HUWE1: variants seen among roughly 807,000 people sequenced by gnomAD.
HUWE1 encodes HECT, UBA and WWE domain containing E3 ubiquitin protein ligase 1, also known as E3 ubiquitin-protein ligase HUWE1.
HUWE1 carries 18 observed loss-of-function variants against 299.4 expected under a neutral mutation model. The ratio of observed to expected loss-of-function variants is 0.06; its 90% CI spans 0.04 to 0.09. HUWE1 has a LOEUF of 0.09. Ranked by LOEUF, HUWE1 falls within the 10% of genes least tolerant of loss-of-function variation. The probability of loss-of-function intolerance (pLI) is 1.00; values close to 1 mark genes in which losing one functional copy is unlikely to be tolerated. For synonymous variants in HUWE1, 1,317 were observed against 1,286.1 expected (o/e 1.02, Z -0.51); for missense variants, 1,832 against 3,462.3 (o/e 0.53, Z 11.82).
At chrX:53,574,639 C>G (rs2063010235) in intron 46 of HUWE1, among the ~76,000 whole-genome samples, 1 of 112,192 alleles carries the variant, frequency 8.9e-6, no homozygotes, top group African/African-American at 3.2e-5. Flanking sequence ...AATTTATCTC[C>G]AGGAACTAGT....
rs375834569 is a variant in HUWE1 at position 53,548,940 on chromosome X, T to C, written c.10035+19A>G. 346 of 1,172,052 alleles carry C rather than the reference T, an allele frequency of 3.0e-4. No individual in the cohort carries two copies. Among genetic ancestry groups the C allele is most frequent in the Non-Finnish European group, 3.8e-4 (331 of 872,035 alleles). Reference sequence around the variant, plus strand: ...GCCACCCTTCTTCCATCCCCAGGAGTTGGGTTTGAAACCCTCACCTTGGCC... The same window carrying C: ...GCCACCCTTCTTCCATCCCCAGGAGCTGGGTTTGAAACCCTCACCTTGGCC... On this transcript the variant is annotated intron_variant, in intron 67 of 83. Coordinates refer to ENST00000262854, the MANE Select transcript of HUWE1 (RefSeq NM_031407.7).
intron 81 of HUWE1, among the ~76,000 whole-genome samples, chrX:53,535,155 A>C (rs151261147): frequency 9.9e-5 from 11 of 111,057 alleles, no homozygotes; most frequent in Admixed American, 1.9e-4. Context: ...GGCTGGTCTC[A>C]AACTCCTCAC....
Position 53,593,358 on chromosome X carries a change from A to G in HUWE1, c.3741+6T>C. On this transcript the variant is annotated splice_donor_region_variant and intron_variant, in intron 32 of 83. Coordinates refer to ENST00000262854, the MANE Select transcript of HUWE1 (RefSeq NM_031407.7). Reference sequence around the variant, plus strand: ...TCCTTTTGATTTTAGAATACTGAATACTCACTTTCTGAGTTACCACAAGGA... The same window carrying G: ...TCCTTTTGATTTTAGAATACTGAATGCTCACTTTCTGAGTTACCACAAGGA... 9.0e-7 allele frequency: 1 copy of G among 1,113,994 alleles called. No individual in the cohort carries two copies. The highest frequency in any genetic ancestry group is 1.8e-5 in the South Asian group (1 of 54,841). 91.8% of individuals were successfully genotyped at this position (1,113,994 alleles called of 1,213,427 possible).
In HUWE1 at chrX:53,628,625, A is replaced by C; in HGVS notation, c.1115-5T>G. ...GGTATGGATCCATGGAAGGATCTAC[A>C]AGGGAGGTGGGGAGAGGGAGAACAA... On this transcript the variant is annotated splice_polypyrimidine_tract_variant and splice_region_variant and intron_variant, in intron 14 of 83. Transcript: ENST00000262854. 8.5e-7 allele frequency: 1 copy of C among 1,181,103 alleles called. No homozygotes were observed. The highest frequency in any genetic ancestry group is 1.1e-6 in the Non-Finnish European group (1 of 879,379).
rs1396092529 is a variant in HUWE1 at position 53,538,320 on chromosome X, A to G, written c.11996+17T>C. 3.6e-6 allele frequency: 4 copies of G among 1,113,309 alleles called. No individual in the cohort carries two copies. The highest frequency in any genetic ancestry group is 5.0e-6 in the Non-Finnish European group (4 of 807,545). 91.7% of individuals were successfully genotyped at this position (1,113,309 alleles called of 1,213,427 possible). A position where few individuals can be genotyped will look rare whatever the true frequency, so the allele number is the denominator to read the frequency against. On this transcript the variant is annotated intron_variant, in intron 77 of 83. Coordinates refer to ENST00000262854, the MANE Select transcript of HUWE1 (RefSeq NM_031407.7). ...GTTCTCACCACCCCTCTACCCCCCA[A>G]TATCCAGGACACATACTTGCGCTTG...
chrX:53,537,179 T>G, intron 78 of HUWE1: 2 of 261,551 alleles, frequency 7.6e-6, no homozygotes, highest in Non-Finnish European at 1.4e-5. Context: ...TATTACAAAC[T>G]GCTGATCTCC....
rs910525607 is a variant in HUWE1 at position 53,533,872 on chromosome X, A to G, written c.13022+135T>C. 1.8e-5 allele frequency: 11 copies of G among 607,830 alleles called. No individual in the cohort carries two copies. In the African/African-American group the frequency reaches 2.2e-4, roughly 12 times the overall value. 50.1% of individuals were successfully genotyped at this position (607,830 alleles called of 1,213,427 possible). On this transcript the variant is annotated intron_variant, in intron 83 of 83. Transcript: ENST00000262854. ...CATCTCAAACATCACCTCCATAGAA[A>G]CACCAAATTGTGAGTTACCCAAGGT...
At chrX:53,683,295 G>A (rs187068769) in intron 2 of HUWE1, among the ~76,000 whole-genome samples, 7 of 111,062 alleles carry the variant, frequency 6.3e-5, no homozygotes, top group Non-Finnish European at 9.4e-5. Context: ...AGGAGGAGGA[G>A]TACACCAGTG....
At chrX:53,549,812 C>T (rs941467450) in intron 66 of HUWE1, among the ~76,000 whole-genome samples, 2 of 107,232 alleles carry the variant, frequency 1.9e-5, no homozygotes, top group African/African-American at 3.4e-5. Flanking sequence ...AGTGCAGTGG[C>T]GTGATACCGG....
At chrX:53,542,841 TCTG>T in intron 73 of HUWE1, 1 of 290,547 alleles carries the variant, frequency 3.4e-6, no homozygotes, top group Non-Finnish European at 6.0e-6. Context: ...CAAGTCTTCT[TCTG>T]TTGTGTGTGT....
chrX:53,549,788 G>C (rs2061692390), intron 66 of HUWE1, among the ~76,000 whole-genome samples: 1 of 106,717 alleles, frequency 9.4e-6, no homozygotes, highest in Non-Finnish European at 1.9e-5. Context: ...GTCTCGCTCT[G>C]TCACCCAGGC....
chrX:53,675,366 T>C (rs1421917287), intron 3 of HUWE1, among the ~76,000 whole-genome samples: 2 of 111,728 alleles, frequency 1.8e-5, no homozygotes, highest in African/African-American at 6.5e-5. Context: ...TAGAAGACAA[T>C]TGTTGGCTTT....
intron 78 of HUWE1, chrX:53,537,265 T>C (rs1277097633): frequency 5.7e-6 from 2 of 351,185 alleles, no homozygotes; most frequent in Non-Finnish European, 1.0e-5. Flanking sequence ...ATTCCTAGTA[T>C]AGCAATATTA....
intron 16 of HUWE1, 44 bp from the exon 17 acceptor site, chrX:53,627,559 A>G: frequency 1.3e-6 from 1 of 759,673 alleles, no homozygotes; most frequent in Non-Finnish European, 1.9e-6. Flanking sequence ...GTATATATAT[A>G]TATATTTTTT....
chrX:53,566,639 A>T (rs1034549137), intron 49 of HUWE1, among the ~76,000 whole-genome samples: 3 of 111,141 alleles, frequency 2.7e-5, no homozygotes, highest in African/African-American at 9.8e-5. Flanking sequence ...TTTTGCAGAG[A>T]CAGGGTCCCA....
rs1413097865 is a variant in HUWE1 at position 53,539,317 on chromosome X, A to AT, written c.11633-238dup. 5.5e-4 allele frequency among the ~76,000 whole-genome samples: 38 copies of AT among 69,276 alleles called. 1 individual carries two copies. Among genetic ancestry groups the AT allele is most frequent in the Admixed American group, 1.9e-3 (10 of 5,400 alleles). 60.2% of individuals were successfully genotyped at this position (69,276 alleles called of 115,157 possible). A position where few individuals can be genotyped will look rare whatever the true frequency, so the allele number is the denominator to read the frequency against. On this transcript the variant is annotated intron_variant, in intron 75 of 83. Coordinates refer to ENST00000262854, the MANE Select transcript of HUWE1 (RefSeq NM_031407.7). Reference sequence around the variant, plus strand: ...GCAACATAGTGAGACCTCATTTCTGATTTAAAAAAAAAAAAAAAAAAAAAA... The same window carrying AT: ...GCAACATAGTGAGACCTCATTTCTGATTTTAAAAAAAAAAAAAAAAAAAAAA...
At chrX:53,539,339 A>G (rs2061233220) in intron 75 of HUWE1, among the ~76,000 whole-genome samples, 2 of 106,450 alleles carry the variant, frequency 1.9e-5, no homozygotes, top group South Asian at 8.3e-4. Flanking sequence ...AAAAAAAAAA[A>G]AAAAAGAAAC....
Position 53,565,165 on chromosome X carries a change from C to G in HUWE1, c.6782G>C (p.Ser2261Thr). 2 of 1,211,571 alleles carry G rather than the reference C, an allele frequency of 1.7e-6. No homozygotes were observed. The highest frequency in any genetic ancestry group is 2.2e-6 in the Non-Finnish European group (2 of 895,158). ...ETLSRIVNQP[S>T]SLFGSKSASS... ...AGCACTCTTGCTGCCAAAAAGGCTA[C>G]TGGGCTGGTTCACAATCCGGGAAAG... is the stretch of plus-strand genomic sequence containing the variant. Residue 2261 changes from serine to threonine, a missense_variant, in exon 50 of 84, where the codon AGT (serine) becomes ACT (threonine). Around this residue, in one of 15 missense-constraint regions of HUWE1, gnomAD observed 26 missense variants for 20.7 expected, o/e 1.26. Coordinates refer to ENST00000262854, the MANE Select transcript of HUWE1 (RefSeq NM_031407.7).
chrX:53,624,560 C>G, intron 19 of HUWE1, 35 bp downstream of exon 19: 1 of 962,490 alleles, frequency 1.0e-6, no homozygotes, highest in Non-Finnish European at 1.5e-6. Flanking sequence ...CCAGGTTATC[C>G]CAAATTGTTA....
Sources: allele counts gnomAD v4.1 joint callset (sites outside exome capture counted in the v4.1 genomes callset), GRCh38; gene constraint gnomAD v4.1.1; regional missense constraint gnomAD v4.1.1; transcripts MANE v1.5; gene names NCBI Gene and HGNC (gene_info 2026-07-23, HGNC 2026-07-21).